The following TBL1XR1 variants were observed in gnomAD, a reference collection of about 807,000 sequenced individuals.
TBL1XR1 encodes the protein F-box-like/WD repeat-containing protein TBL1XR1.
A neutral mutation model predicts 66.9 loss-of-function variants in TBL1XR1; 5 were observed. That is an observed-to-expected ratio of 0.07 (90% CI 0.04 to 0.16). TBL1XR1 has a LOEUF of 0.16. Among genes scored for constraint, TBL1XR1 ranks in the 10% least tolerant of loss-of-function variants. The pLI is 1.00. For synonymous variants in TBL1XR1, 210 were observed against 206.0 expected (o/e 1.02, Z -0.17); for missense variants, 238 against 623.2 (o/e 0.38, Z 6.58).
chr3:177,172,628 G>GA (rs1733670094), intron 1 of TBL1XR1, among the ~76,000 whole-genome samples: 7 of 88,430 alleles, frequency 7.9e-5, no homozygotes, highest in Non-Finnish European at 1.4e-4. Context: ...TCTCAAGAAA[G>GA]AGAGAAGAGA....
intron 1 of TBL1XR1, among the ~76,000 whole-genome samples, chr3:177,099,192 C>G (rs958574107): frequency 1.3e-5 from 2 of 152,054 alleles, no homozygotes; most frequent in Non-Finnish European, 2.9e-5. Flanking sequence ...CATGGAGACA[C>G]CCTGTCTCTA....
In TBL1XR1 at chr3:177,032,729, C is replaced by T. The variant is rs115852537; in HGVS notation, c.1416+242G>A. 2,433 of 319,448 alleles carry T rather than the reference C, an allele frequency of 7.6e-3. 14 individuals are homozygous for T. The highest frequency in any genetic ancestry group is 0.011 in the Non-Finnish European group (1,890 of 177,028). The allele number at this position is 319,448 out of a possible 1,614,324, so 19.8% of individuals were successfully genotyped here. On this transcript the variant is annotated intron_variant, in intron 14 of 15. Coordinates refer to ENST00000457928, the MANE Select transcript of TBL1XR1 (RefSeq NM_024665.7). ...CTTAAACATTCACATCTGATATCTG[C>T]AAAACCGTTGGAAAAAAACAAAAGA...
intron 1 of TBL1XR1, among the ~76,000 whole-genome samples, chr3:177,143,973 C>T (rs1217799018): frequency 2.0e-5 from 3 of 152,118 alleles, no homozygotes; most frequent in Admixed American, 6.6e-5. Context: ...ATATTCAGGC[C>T]GGGCATGGTG....
At chr3:177,173,685 G>A (rs1280797791) in intron 1 of TBL1XR1, among the ~76,000 whole-genome samples, 1 of 152,072 alleles carries the variant, frequency 6.6e-6, no homozygotes, top group Non-Finnish European at 1.5e-5. Flanking sequence ...AAAGACATTC[G>A]TGGAAAAAAC....
At chr3:177,155,378 G>C (rs1034214625) in intron 1 of TBL1XR1, among the ~76,000 whole-genome samples, 2 of 152,090 alleles carry the variant, frequency 1.3e-5, no homozygotes, top group Non-Finnish European at 1.5e-5. Context: ...CACATTAATT[G>C]AAAGAATATT....
chr3:177,080,631 A>AT (rs1007422137), intron 2 of TBL1XR1, among the ~76,000 whole-genome samples: 6 of 151,980 alleles, frequency 3.9e-5, no homozygotes, highest in Admixed American at 6.6e-5. Flanking sequence ...AAAAATATAT[A>AT]TTTTTTTTCA....
At position 177,024,075 on chromosome 3, in the gene TBL1XR1, A is replaced by G. The variant is rs1712747276; in HGVS notation, c.*1423T>C. 6.6e-6 allele frequency: 1 copy of G among 152,258 alleles called. No individual in the cohort carries two copies. The highest frequency in any genetic ancestry group is 1.5e-5 in the Non-Finnish European group (1 of 67,918). The allele number at this position is 152,258 out of a possible 1,614,324, so 9.4% of individuals were successfully genotyped here. A position where few individuals can be genotyped will look rare whatever the true frequency, so the allele number is the denominator to read the frequency against. ...AAATACTTGATATTATAAACAGAGTAAAAGACATGATATAGTAGTGATTAC... is the reference window on the plus strand; with the variant it reads ...AAATACTTGATATTATAAACAGAGTGAAAGACATGATATAGTAGTGATTAC... On this transcript the variant is annotated 3_prime_UTR_variant, in exon 16 of 16. Transcript: ENST00000457928.
chr3:177,143,693 T>C (rs1729894948), intron 1 of TBL1XR1, among the ~76,000 whole-genome samples: 1 of 152,218 alleles, frequency 6.6e-6, no homozygotes, highest in African/African-American at 2.4e-5. Context: ...ACTTTCAAGG[T>C]GATGGGAATC....
intron 1 of TBL1XR1, among the ~76,000 whole-genome samples, chr3:177,110,500 G>GT (rs542642715): frequency 0.018 from 2,712 of 151,356 alleles, 31 homozygotes; most frequent in Admixed American, 0.03. Context: ...TGGTTTTGTG[G>GT]TTTTTTTTTC....
intron 1 of TBL1XR1, among the ~76,000 whole-genome samples, chr3:177,151,370 G>A (rs1424933070): frequency 6.6e-6 from 1 of 152,186 alleles, no homozygotes; most frequent in Non-Finnish European, 1.5e-5. Context: ...GCAGCTGTGG[G>A]CACCAGTCCA....
intron 1 of TBL1XR1, among the ~76,000 whole-genome samples, chr3:177,100,762 C>T (rs1377181546): frequency 6.6e-6 from 1 of 152,032 alleles, no homozygotes; most frequent in African/African-American, 2.4e-5. Flanking sequence ...TTGATAATCC[C>T]TAATTTTTTT....
At chr3:177,132,722 G>C (rs1193087240) in intron 1 of TBL1XR1, among the ~76,000 whole-genome samples, 2 of 152,190 alleles carry the variant, frequency 1.3e-5, no homozygotes. Flanking sequence ...ACCAGGGATA[G>C]GCTCTAAGGA....
chr3:177,166,765 A>G (rs1254029062), intron 1 of TBL1XR1, among the ~76,000 whole-genome samples: 1 of 152,180 alleles, frequency 6.6e-6, no homozygotes, highest in African/African-American at 2.4e-5. Flanking sequence ...TACATACACC[A>G]TTAGGGGATT....
Position 177,113,183 on chromosome 3 carries a change from G to C in TBL1XR1, c.-121-14642C>G, listed in dbSNP as rs1004325268. 2.6e-5 allele frequency among the ~76,000 whole-genome samples: 4 copies of C among 151,896 alleles called. No homozygotes were observed. The South Asian group carries it at 8.3e-4, about 32-fold the overall frequency. On this transcript the variant is annotated intron_variant, in intron 1 of 15. Transcript: ENST00000457928. Reference sequence around the variant, plus strand: ...ATTCACATGTAGAAAAATGAAAGTAGACCCTTATCTTTCACCATATACAAA... The same window carrying C: ...ATTCACATGTAGAAAAATGAAAGTACACCCTTATCTTTCACCATATACAAA...
chr3:177,113,815 T>TC (rs1725950477), intron 1 of TBL1XR1, among the ~76,000 whole-genome samples: 1 of 152,144 alleles, frequency 6.6e-6, no homozygotes, highest in Admixed American at 6.5e-5. Context: ...TGAAATATTA[T>TC]CTCACCCCAG....
At chr3:177,168,514 T>C (rs1733096225) in intron 1 of TBL1XR1, among the ~76,000 whole-genome samples, 1 of 152,154 alleles carries the variant, frequency 6.6e-6, no homozygotes, top group South Asian at 2.1e-4. Flanking sequence ...ACTCCTGACC[T>C]GAGGTGATCC....
chr3:177,024,609 T>C lies in TBL1XR1; in HGVS notation c.*889A>G, dbSNP rs1712821399. On this transcript the variant is annotated 3_prime_UTR_variant, in exon 16 of 16. Coordinates refer to ENST00000457928, the MANE Select transcript of TBL1XR1 (RefSeq NM_024665.7). ...GATTTTTTTTAATGTATCTTCTCTA[T>C]GGTAATTAAAAAAAAAGTTGTGCCC... 1.3e-5 allele frequency: 2 copies of C among 149,260 alleles called. No individual in the cohort carries two copies. Among genetic ancestry groups the C allele is most frequent in the South Asian group, 2.1e-4 (1 of 4,796 alleles). 9.2% of individuals were successfully genotyped at this position (149,260 alleles called of 1,614,324 possible).
chr3:177,132,542 TG>T (rs1435771155), intron 1 of TBL1XR1, among the ~76,000 whole-genome samples: 1 of 151,970 alleles, frequency 6.6e-6, no homozygotes, highest in Non-Finnish European at 1.5e-5. Flanking sequence ...TTAACAGAGA[TG>T]GGGGGAAAGA....
At chr3:177,136,228 A>C (rs1045412921) in intron 1 of TBL1XR1, 9 of 152,316 alleles carry the variant, frequency 5.9e-5, no homozygotes, top group African/African-American at 2.2e-4. Flanking sequence ...TGTGAATCAC[A>C]GTCCAAAAGT....
Sources: gnomAD v4.1 joint callset for allele counts (sites outside exome capture counted in the v4.1 genomes callset) on GRCh38, gnomAD v4.1.1 for gene constraint, MANE v1.5 for transcripts, NCBI Gene and HGNC (gene_info 2026-07-23, HGNC 2026-07-21) for gene names.